WNK3: variants seen among roughly 807,000 people sequenced by gnomAD.
WNK3 encodes WNK lysine deficient protein kinase 3.
In WNK3, 18 loss-of-function variants were observed where a neutral mutation model predicts 116.7. The ratio of observed to expected loss-of-function variants is 0.15; its 90% CI spans 0.11 to 0.23. The LOEUF (loss-of-function observed/expected upper bound fraction) is 0.23. Among genes scored for constraint, WNK3 ranks in the 10% least tolerant of loss-of-function variants. WNK3 has a pLI of 1.00. For synonymous variants in WNK3, 404 were observed against 469.4 expected, an observed-to-expected ratio of 0.86 and a Z score of 1.80; for missense variants, 993 against 1,323.8, an observed-to-expected ratio of 0.75 and a Z score of 3.88.
chrX:54,263,308 C>G (rs5961050), intron 10 of WNK3, among the ~76,000 whole-genome samples: 1,325 of 112,170 alleles, frequency 0.012, 9 homozygotes, highest in Middle Eastern at 0.033. Context: ...CAAAGCATAT[C>G]TCTCCCCTGA....
chrX:54,238,974 A>T, exon 18 of WNK3: 1 of 1,210,597 alleles, frequency 8.3e-7, no homozygotes, highest in Non-Finnish European at 1.1e-6. Context: ...GATTTTTGAG[A>T]CTAGGACAAG....
intron 17 of WNK3, among the ~76,000 whole-genome samples, chrX:54,242,318 A>T (rs1414121262): frequency 3.6e-5 from 4 of 111,825 alleles, no homozygotes; most frequent in Admixed American, 1.9e-4. Context: ...TAGAAAGTTC[A>T]TGGACAGGAA....
At chrX:54,322,424 C>CATCT (rs782774846) in intron 2 of WNK3, among the ~76,000 whole-genome samples, 186 of 111,959 alleles carry the variant, frequency 1.7e-3, no homozygotes, top group African/African-American at 5.9e-3. Context: ...GAACCATGAC[C>CATCT]ATCTAATCAC....
intron 2 of WNK3, among the ~76,000 whole-genome samples, chrX:54,332,761 A>G (rs561866725): frequency 6.5e-5 from 7 of 107,268 alleles, no homozygotes; most frequent in Admixed American, 6.1e-4. Context: ...AGTGGCGTGC[A>G]CCTGTAATCC....
At chrX:54,204,149 T>G (rs1557142224) in intron 22 of WNK3, among the ~76,000 whole-genome samples, 1 of 111,418 alleles carries the variant, frequency 9.0e-6, no homozygotes, top group African/African-American at 3.3e-5. Flanking sequence ...AGACAGAGTC[T>G]CGCTTTGTCA....
Position 54,208,413 on chromosome X carries a change from C to T in WNK3, c.4871-6220G>A, listed in dbSNP as rs184412429. Among the ~76,000 whole-genome samples, 150 of 110,689 alleles carry T rather than the reference C, an allele frequency of 1.4e-3. 1 individual carries two copies. The highest frequency in any genetic ancestry group is 4.7e-3 in the African/African-American group (142 of 30,481). On this transcript the variant is annotated intron_variant, in intron 22 of 23. Transcript: ENST00000354646. The stretch of plus-strand genomic sequence containing the variant: ...TGCTAGGATTACAGGTGTGAGCCAC[C>T]GCGCCCGGCCCAATATATACCTTTT...
At chrX:54,268,080 GCA>G (rs57010526) in intron 10 of WNK3, among the ~76,000 whole-genome samples, 20,736 of 80,364 alleles carry the variant, frequency 0.26, 2,376 homozygotes, top group African/African-American at 0.32. Context: ...CTGAATGCGT[GCA>G]CACACACACA....
intron 10 of WNK3, among the ~76,000 whole-genome samples, chrX:54,267,858 G>T (rs2068332616): frequency 9.0e-6 from 1 of 110,661 alleles, no homozygotes; most frequent in Non-Finnish European, 1.9e-5. Context: ...GAAAGACAGA[G>T]TTGCTATTTG....
chrX:54,282,465 C>T (rs1384014632), intron 10 of WNK3, among the ~76,000 whole-genome samples: 1 of 111,233 alleles, frequency 9.0e-6, no homozygotes, highest in Non-Finnish European at 1.9e-5. Flanking sequence ...AAAAGACATC[C>T]ATGTTCCTGG....
chrX:54,338,831 A>G (rs2069279530), intron 1 of WNK3, among the ~76,000 whole-genome samples: 1 of 108,586 alleles, frequency 9.2e-6, no homozygotes, highest in African/African-American at 3.4e-5. Context: ...GTGAAACCCC[A>G]TTTATATTAA....
intron 22 of WNK3, among the ~76,000 whole-genome samples, chrX:54,214,914 G>C (rs545493635): frequency 9.2e-6 from 1 of 109,196 alleles, no homozygotes; most frequent in African/African-American, 3.3e-5. Context: ...TCAGGAGGCC[G>C]AGGCAGGAAA....
chrX:54,293,177 T>G (rs1557165499), exon 9 of WNK3: 1 of 1,209,983 alleles, frequency 8.3e-7, no homozygotes, highest in East Asian at 3.0e-5. Context: ...CTGAGATGAA[T>G]AAATTTGCCC....
chrX:54,213,575 A>C lies in WNK3; in HGVS notation c.4871-11382T>G, dbSNP rs1361234325. On this transcript the variant is annotated intron_variant, in intron 22 of 23. Transcript: ENST00000354646. The stretch of plus-strand genomic sequence containing the variant: ...TCTCAAAAAAAAAAACAAACAAAAA[A>C]AAAAAAACTAGGGGAAAAAAATGAT... 1.2e-3 allele frequency among the ~76,000 whole-genome samples: 127 copies of C among 105,178 alleles called. 3 individuals carry two copies. Among genetic ancestry groups the C allele is most frequent in the Middle Eastern group, 4.3e-3 (1 of 232 alleles). 91.3% of individuals were successfully genotyped at this position (105,178 alleles called of 115,157 possible).
intron 10 of WNK3, among the ~76,000 whole-genome samples, chrX:54,281,770 T>C (rs996791256): frequency 4.5e-5 from 5 of 111,369 alleles, no homozygotes; most frequent in Non-Finnish European, 9.4e-5. Context: ...TAGTGGCTGA[T>C]TTCCTGAATT....
At chrX:54,253,029 A>G (rs1237125283) in intron 13 of WNK3, among the ~76,000 whole-genome samples, 1 of 110,668 alleles carries the variant, frequency 9.0e-6, no homozygotes, top group African/African-American at 3.3e-5. Flanking sequence ...AAATGAAACA[A>G]TAACATGCAA....
chrX:54,301,189 G>C (rs1557167385), intron 6 of WNK3, among the ~76,000 whole-genome samples: 1 of 103,124 alleles, frequency 9.7e-6, no homozygotes, highest in East Asian at 3.1e-4. Context: ...GTTGCAATGG[G>C]TCAAGATCGT....
At chrX:54,205,691 AG>A (rs1343247361) in intron 22 of WNK3, among the ~76,000 whole-genome samples, 2 of 112,327 alleles carry the variant, frequency 1.8e-5, no homozygotes, top group Admixed American at 9.4e-5. Flanking sequence ...AATGTTATTC[AG>A]TATCTATGCT....
intron 2 of WNK3, among the ~76,000 whole-genome samples, chrX:54,327,829 A>G: frequency 9.0e-6 from 1 of 110,756 alleles, no homozygotes; most frequent in East Asian, 2.8e-4. Context: ...TTAGCCAGGC[A>G]TGGTGACACA....
chrX:54,270,428 G>A (rs2068368649), intron 10 of WNK3, among the ~76,000 whole-genome samples: 1 of 98,326 alleles, frequency 1.0e-5, no homozygotes, highest in Non-Finnish European at 2.0e-5. Context: ...CTTTGAGACA[G>A]AGTTTCTTTC....
Sources: gnomAD v4.1 joint callset for allele counts (sites outside exome capture counted in the v4.1 genomes callset) on GRCh38, gnomAD v4.1.1 for gene constraint, MANE v1.5 for transcripts, NCBI Gene and HGNC (gene_info 2026-07-23, HGNC 2026-07-21) for gene names.